The following PARPBP variants were observed in gnomAD, a reference collection of about 807,000 sequenced individuals.
The protein encoded by PARPBP is PARP1 binding protein.
In PARPBP, 52 loss-of-function variants were observed where a neutral mutation model predicts 50.0. The ratio of observed to expected loss-of-function variants is 1.04; its 90% confidence interval spans 0.83 to 1.31. The LOEUF is 1.31. Ranked by LOEUF, PARPBP falls within the 50% of genes most tolerant of loss-of-function variation. The pLI, the probability that PARPBP is intolerant of heterozygous loss-of-function variation, is 0.00. For synonymous variants in PARPBP, 244 were observed against 232.1 expected, an observed-to-expected ratio of 1.05 and a Z score of -0.47; for missense variants, 697 against 672.0, an observed-to-expected ratio of 1.04 and a Z score of -0.41.
At position 102,196,462 on chromosome 12, in the gene PARPBP, T is replaced by C. The variant is rs1565911059; in HGVS notation, c.*171T>C. On this transcript the variant is annotated 3_prime_UTR_variant, in exon 11 of 11. Coordinates refer to ENST00000327680, the MANE Select transcript of PARPBP (RefSeq NM_017915.5). ...TAAAAATACTAGTAAGTCATAATTA[T>C]GCAGAATTTTCACAAAGTTTAATGC... 6.9e-6 allele frequency: 5 copies of C among 724,214 alleles called. No individual in the cohort carries two copies. Among genetic ancestry groups the C allele is most frequent in the South Asian group, 3.5e-5 (2 of 56,510 alleles). The allele number at this position is 724,214 out of a possible 1,614,324, so 44.9% of individuals were successfully genotyped here. A position where few individuals can be genotyped will look rare whatever the true frequency, so the allele number is the denominator to read the frequency against.
At chr12:102,183,602 G>C (rs1890035942) in intron 9 of PARPBP, among the ~76,000 whole-genome samples, 1 of 152,072 alleles carries the variant, frequency 6.6e-6, no homozygotes, top group Non-Finnish European at 1.5e-5. Flanking sequence ...ATTAATATAA[G>C]TATTTGCAAT....
intron 2 of PARPBP, among the ~76,000 whole-genome samples, chr12:102,126,393 T>A (rs1240055331): frequency 6.6e-6 from 1 of 152,208 alleles, no homozygotes; most frequent in East Asian, 1.9e-4. Context: ...TTTAAAAAAG[T>A]TTTTCTATTT....
rs184017271 is a variant in PARPBP at position 102,158,380 on chromosome 12, T to C, written c.495+4404T>C. Among the ~76,000 whole-genome samples the C allele has an allele frequency of 7.3e-4, 111 of 152,306 alleles. 1 individual carries two copies. Among genetic ancestry groups the C allele is most frequent in the African/African-American group, 1.3e-3 (55 of 41,582 alleles). Reference sequence around the variant, plus strand: ...TCTATTGTTTGGATTCATGAATTTATATTTATTCACTGTTTTAAAATGAGT... The same window carrying C: ...TCTATTGTTTGGATTCATGAATTTACATTTATTCACTGTTTTAAAATGAGT... On this transcript the variant is annotated intron_variant, in intron 4 of 10. Transcript: ENST00000327680.
intron 9 of PARPBP, among the ~76,000 whole-genome samples, chr12:102,187,252 A>C (rs967496735): frequency 1.3e-5 from 2 of 152,194 alleles, no homozygotes; most frequent in Admixed American, 1.3e-4. Context: ...TGGCAACTTT[A>C]GTTAGTCCTA....
At chr12:102,145,521 T>TA (rs138362353) in intron 2 of PARPBP, among the ~76,000 whole-genome samples, 1 of 151,810 alleles carries the variant, frequency 6.6e-6, no homozygotes, top group African/African-American at 2.4e-5. Context: ...ATGGAATCAA[T>TA]AAAAAAAACC....
chr12:102,177,193 G>C (rs571613326), intron 7 of PARPBP, among the ~76,000 whole-genome samples: 4 of 152,174 alleles, frequency 2.6e-5, no homozygotes, highest in Non-Finnish European at 4.4e-5. Flanking sequence ...ATACATTATA[G>C]TTCACCTGGT....
chr12:102,184,046 G>GGAAAAAAAAA (rs745308818), intron 9 of PARPBP, among the ~76,000 whole-genome samples: 1 of 59,978 alleles, frequency 1.7e-5, no homozygotes, highest in African/African-American at 7.2e-5. Flanking sequence ...GACTCTATCT[G>GGAAAAAAAAA]AAAAAAAAAA....
intron 2 of PARPBP, among the ~76,000 whole-genome samples, chr12:102,138,862 C>A (rs1455272662): frequency 2.0e-5 from 3 of 152,176 alleles, no homozygotes; most frequent in African/African-American, 7.2e-5. Flanking sequence ...TGTTTTGGTA[C>A]CACTACCATG....
At chr12:102,132,569 G>T (rs1297340642) in intron 2 of PARPBP, among the ~76,000 whole-genome samples, 1 of 152,150 alleles carries the variant, frequency 6.6e-6, no homozygotes, top group African/African-American at 2.4e-5. Flanking sequence ...TTGTAGTATA[G>T]TTTGAAGTTA....
intron 4 of PARPBP, among the ~76,000 whole-genome samples, chr12:102,156,470 G>A (rs1886959056): frequency 6.6e-6 from 1 of 151,884 alleles, no homozygotes. Flanking sequence ...GGGATTACAG[G>A]TGTGAGCCAC....
chr12:102,169,781 T>C (rs1213212559), intron 6 of PARPBP, among the ~76,000 whole-genome samples: 2 of 152,266 alleles, frequency 1.3e-5, no homozygotes, highest in South Asian at 2.1e-4. Context: ...AGTGATTCCA[T>C]ATTTGGTACA....
chr12:102,123,475 A>T (rs1881473540), intron 1 of PARPBP, among the ~76,000 whole-genome samples: 1 of 151,252 alleles, frequency 6.6e-6, no homozygotes. Flanking sequence ...ACAACGTAGG[A>T]TGGGAGGAAA....
rs1891187212 is a variant in PARPBP, at chr12:102,195,298, C to T, written c.1264-14C>T. Reference sequence around the variant, plus strand: ...AATAAATTTGCATATTTTCTTCTTTCTTTCTGTTACTAGATGAAGCAAACT... The same window carrying T: ...AATAAATTTGCATATTTTCTTCTTTTTTTCTGTTACTAGATGAAGCAAACT... On this transcript the variant is annotated splice_polypyrimidine_tract_variant and intron_variant, in intron 9 of 10. Transcript: ENST00000327680. 2 of 1,459,628 alleles carry T rather than the reference C, an allele frequency of 1.4e-6. No individual in the cohort carries two copies. The highest frequency in any genetic ancestry group is 4.8e-5 in the East Asian group (2 of 41,630). 90.4% of individuals were successfully genotyped at this position (1,459,628 alleles called of 1,614,324 possible).
intron 6 of PARPBP, among the ~76,000 whole-genome samples, chr12:102,167,989 C>T (rs1034064399): frequency 6.6e-6 from 1 of 152,148 alleles, no homozygotes; most frequent in African/African-American, 2.4e-5. Context: ...GAGTTTGCTT[C>T]TTACTGATGT....
chr12:102,136,781 C>G (rs2137786877), intron 2 of PARPBP, among the ~76,000 whole-genome samples: 1 of 152,248 alleles, frequency 6.6e-6, no homozygotes. Context: ...GCTCTGACTT[C>G]CAAGCAGTAT....
At chr12:102,141,678 C>G (rs1029742162) in intron 2 of PARPBP, among the ~76,000 whole-genome samples, 5 of 152,106 alleles carry the variant, frequency 3.3e-5, no homozygotes, top group Non-Finnish European at 7.3e-5. Flanking sequence ...TAAGGCAGGT[C>G]TGGTGGTGAC....
Position 102,196,946 on chromosome 12 carries a change from G to A in PARPBP, c.*655G>A. The A allele has an allele frequency of 6.4e-7, 1 of 1,554,514 alleles. No homozygotes were observed. The highest frequency in any genetic ancestry group is 8.9e-7 in the Non-Finnish European group (1 of 1,127,982). On this transcript the variant is annotated 3_prime_UTR_variant, in exon 11 of 11. Coordinates refer to ENST00000327680, the MANE Select transcript of PARPBP (RefSeq NM_017915.5). ...TCTGTTTAATGGTGGTAGGATGTAA[G>A]AATTGAATTTTGAAAAGACTACTCA... is the stretch of plus-strand genomic sequence containing the variant.
intron 2 of PARPBP, among the ~76,000 whole-genome samples, chr12:102,128,780 A>G (rs1882407261): frequency 6.6e-6 from 1 of 152,168 alleles, no homozygotes; most frequent in South Asian, 2.1e-4. Context: ...CAATGCAGCA[A>G]TGGCCATAGG....
At chr12:102,195,141 A>G (rs974983944) in intron 9 of PARPBP, among the ~76,000 whole-genome samples, 171 bp from the exon 10 acceptor site, 1 of 151,726 alleles carries the variant, frequency 6.6e-6, no homozygotes, top group African/African-American at 2.4e-5. Context: ...ATAACAATGA[A>G]TGAGTTTGCA....
Sources: allele counts gnomAD v4.1 joint callset (sites outside exome capture counted in the v4.1 genomes callset), GRCh38; gene constraint gnomAD v4.1.1; transcripts MANE v1.5; gene names NCBI Gene and HGNC (gene_info 2026-07-23, HGNC 2026-07-21).